The following ASIC2 variants were observed in gnomAD, a reference collection of about 807,000 sequenced individuals.
ASIC2 encodes the protein acid-sensing ion channel 2.
ASIC2 carries 25 observed loss-of-function variants against 57.3 expected under a neutral mutation model. The observed-to-expected ratio is 0.44, with a 90% CI of 0.32 to 0.61. ASIC2 has a LOEUF of 0.61. Ranked by LOEUF, ASIC2 falls within the 20% of genes least tolerant of loss-of-function variation. The probability of loss-of-function intolerance (pLI) is 0.06; values close to 1 mark genes in which losing one functional copy is unlikely to be tolerated. For synonymous variants in ASIC2, 319 were observed against 307.5 expected, an observed-to-expected ratio of 1.04 and a Z score of -0.39; for missense variants, 641 against 738.1, an observed-to-expected ratio of 0.87 and a Z score of 1.52.
chr17:33,811,705 G>T (rs941326554), intron 1 of ASIC2, among the ~76,000 whole-genome samples: 1 of 152,136 alleles, frequency 6.6e-6, no homozygotes, highest in Non-Finnish European at 1.5e-5. Context: ...CACTCTCAGG[G>T]GTTTTTCCAT....
chr17:33,535,190 T>C (rs1447006827), intron 1 of ASIC2, among the ~76,000 whole-genome samples: 4 of 151,884 alleles, frequency 2.6e-5, no homozygotes, highest in Admixed American at 2.6e-4. Flanking sequence ...GGCCAAAACC[T>C]GCATTTCTCA....
In ASIC2 at chr17:33,826,367, C is replaced by T. The variant is rs1436032100; in HGVS notation, c.555+329611G>A. 5.3e-5 allele frequency among the ~76,000 whole-genome samples: 8 copies of T among 152,252 alleles called. No homozygotes were observed. In the South Asian group the frequency reaches 6.2e-4, roughly 12 times the overall value. On this transcript the variant is annotated intron_variant, in intron 1 of 9. Coordinates refer to the ASIC2 transcript ENST00000359872. ...CATCCCTTTTTGGGGGAGTGAGGCA[C>T]GATTGGGAGCTGCTTCCAGTCTGTT... is the stretch of plus-strand genomic sequence containing the variant.
intron 1 of ASIC2, among the ~76,000 whole-genome samples, chr17:33,886,961 A>C (rs1002137164): frequency 6.6e-6 from 1 of 152,162 alleles, no homozygotes; most frequent in Non-Finnish European, 1.5e-5. Context: ...CTAACAAAAA[A>C]AACAAAAAAT....
At chr17:33,810,487 G>A (rs117928500) in intron 1 of ASIC2, among the ~76,000 whole-genome samples, 3,775 of 152,286 alleles carry the variant, frequency 0.025, 73 homozygotes, top group Non-Finnish European at 0.039. Context: ...AGAGCCAAGT[G>A]CAGGAACACT....
At chr17:34,132,404 AGT>A (rs1912008394) in intron 1 of ASIC2, among the ~76,000 whole-genome samples, 1 of 152,050 alleles carries the variant, frequency 6.6e-6, no homozygotes, top group African/African-American at 2.4e-5. Flanking sequence ...CTGGGGATGG[AGT>A]GCGAGCCGGG....
At chr17:33,604,892 G>T (rs1905190734) in intron 1 of ASIC2, among the ~76,000 whole-genome samples, 1 of 152,134 alleles carries the variant, frequency 6.6e-6, no homozygotes, top group Non-Finnish European at 1.5e-5. Context: ...GAGGAATTAG[G>T]ATGTTTCCAA....
At chr17:33,361,652 T>C (rs2141931474) in intron 1 of ASIC2, among the ~76,000 whole-genome samples, 1 of 152,330 alleles carries the variant, frequency 6.6e-6, no homozygotes, top group African/African-American at 2.4e-5. Context: ...ATCCCCATTT[T>C]ATAGTAAAAA....
intron 1 of ASIC2, among the ~76,000 whole-genome samples, chr17:34,089,491 T>C (rs1003541394): frequency 9.2e-5 from 14 of 152,200 alleles, no homozygotes; most frequent in African/African-American, 3.4e-4. Context: ...CTGCCTCTGC[T>C]ATGGAAATTG....
intron 1 of ASIC2, among the ~76,000 whole-genome samples, chr17:33,172,825 G>A (rs1905579373): frequency 1.3e-5 from 2 of 152,204 alleles, no homozygotes; most frequent in South Asian, 4.1e-4. Flanking sequence ...ATCAGAAACT[G>A]TGAGGTTGGG....
intron 1 of ASIC2, among the ~76,000 whole-genome samples, chr17:33,514,330 G>A (rs1485554159): frequency 2.0e-5 from 3 of 152,070 alleles, no homozygotes; most frequent in African/African-American, 4.8e-5. Context: ...AGAAGCACAC[G>A]TTCATGGCCC....
At chr17:33,043,700 A>C (rs577000502) in intron 3 of ASIC2, among the ~76,000 whole-genome samples, 1 of 152,268 alleles carries the variant, frequency 6.6e-6, no homozygotes, top group Admixed American at 6.5e-5. Flanking sequence ...TATAAAATAC[A>C]GAATGTGCTC....
chr17:33,991,308 A>C (rs1228632409), intron 1 of ASIC2, among the ~76,000 whole-genome samples: 1 of 152,220 alleles, frequency 6.6e-6, no homozygotes, highest in East Asian at 1.9e-4. Flanking sequence ...AGAGAGGGGA[A>C]GTGACTCATG....
chr17:33,077,597 A>ACT (rs2092094424), intron 3 of ASIC2, among the ~76,000 whole-genome samples: 1 of 152,186 alleles, frequency 6.6e-6, no homozygotes. Context: ...GTGAGGGACC[A>ACT]GAGGTATTTT....
At position 34,085,919 on chromosome 17, in the gene ASIC2, T is replaced by C. The variant is rs531350851; in HGVS notation, c.555+70059A>G. On this transcript the variant is annotated intron_variant, in intron 1 of 9. Transcript: ENST00000359872. ...TCATTTTTTATTGTGTCTATTTGAT[T>C]CTTCTCTCGTTTTTTCTTTATTAGT... is the stretch of plus-strand genomic sequence containing the variant. Among the ~76,000 whole-genome samples the C allele has an allele frequency of 4.6e-5, 7 of 151,956 alleles. No individual in the cohort carries two copies. The East Asian group carries it at 1.3e-3, about 29-fold the overall frequency.
At chr17:33,017,774 T>C in intron 7 of ASIC2, 90 bp from the exon 8 acceptor site, 1 of 1,229,634 alleles carries the variant, frequency 8.1e-7, no homozygotes, top group Non-Finnish European at 1.2e-6. Context: ...ACCTTCTGAA[T>C]GGCGCCCCCT....
intron 1 of ASIC2, among the ~76,000 whole-genome samples, chr17:33,274,315 G>T (rs918627139): frequency 2.0e-5 from 3 of 152,194 alleles, no homozygotes; most frequent in African/African-American, 7.2e-5. Context: ...ATTAGCTGGG[G>T]ATGAGGAAAT....
intron 1 of ASIC2, among the ~76,000 whole-genome samples, chr17:33,206,157 T>G (rs566638190): frequency 9.8e-5 from 15 of 152,286 alleles, no homozygotes; most frequent in Non-Finnish European, 1.9e-4. Flanking sequence ...AATATTTGTT[T>G]GCTCTCAAAA....
chr17:34,100,181 CTTG>C lies in ASIC2; in HGVS notation c.555+55794_555+55796del, dbSNP rs1205790899. 9.7e-4 allele frequency among the ~76,000 whole-genome samples: 103 copies of C among 106,170 alleles called. 1 individual carries two copies. Among genetic ancestry groups the C allele is most frequent in the South Asian group, 9.3e-3 (27 of 2,894 alleles). 69.7% of individuals were successfully genotyped at this position (106,170 alleles called of 152,430 possible). On this transcript the variant is annotated intron_variant, in intron 1 of 9. Transcript: ENST00000359872. ...TTAATTTAACATTCTTCCTCTCTTT[CTTG>C]TTTTTTTTTTTTTTTTAAATCAATT...
intron 3 of ASIC2, among the ~76,000 whole-genome samples, chr17:33,086,461 T>G (rs1244960671): frequency 6.6e-6 from 1 of 152,166 alleles, no homozygotes; most frequent in African/African-American, 2.4e-5. Context: ...AGTCACAGAA[T>G]TTATACACAT....
Sources: gnomAD v4.1 joint callset for allele counts (sites outside exome capture counted in the v4.1 genomes callset) on GRCh38, gnomAD v4.1.1 for gene constraint, MANE v1.5 for transcripts, NCBI Gene and HGNC (gene_info 2026-07-23, HGNC 2026-07-21) for gene names.